KASH5: variants seen among roughly 807,000 people sequenced by gnomAD.
The protein encoded by KASH5 is protein KASH5.
A neutral mutation model predicts 84.2 loss-of-function variants in KASH5; 72 were observed. That is an observed-to-expected ratio of 0.85 (90% CI 0.71 to 1.04). The LOEUF (loss-of-function observed/expected upper bound fraction) is 1.04, where lower values mean the gene tolerates loss of function less well. Ranked by LOEUF, KASH5 falls within the 50% of genes least tolerant of loss-of-function variation. The pLI, the probability that KASH5 is intolerant of heterozygous loss-of-function variation, is 0.00. For missense variants in KASH5, 650 were observed against 701.0 expected (o/e 0.93, Z 0.82); for synonymous variants, 260 against 279.1 (o/e 0.93, Z 0.68).
chr19:49,411,246 A>ATT (rs55762534), intron 15 of KASH5, among the ~76,000 whole-genome samples: 2 of 143,584 alleles, frequency 1.4e-5, no homozygotes, highest in Non-Finnish European at 3.1e-5. Context: ...CTCTCTCTCT[A>ATT]TTTTTTTTTT....
intron 9 of KASH5, among the ~76,000 whole-genome samples, chr19:49,406,450 CA>C (rs1359133051): frequency 6.6e-6 from 1 of 152,180 alleles, no homozygotes; most frequent in Non-Finnish European, 1.5e-5. Flanking sequence ...GATCTTGGCT[CA>C]CTGCAACCTC....
rs565839246 is a variant in KASH5 at position 49,402,639 on chromosome 19, A to G, written c.798+3132A>G. ...GGAGAATCACTTGAACCCAGGAGGC[A>G]GAGGTTGCAGCGAGCTGAGATTGTG... On this transcript the variant is annotated intron_variant, in intron 9 of 19. Transcript: ENST00000447857. 8.7e-4 allele frequency among the ~76,000 whole-genome samples: 133 copies of G among 152,224 alleles called. 1 individual carries two copies. The highest frequency in any genetic ancestry group is 3.0e-3 in the African/African-American group (125 of 41,528).
At chr19:49,391,055 A>C (rs1777798366) in intron 2 of KASH5, 129 bp downstream of exon 2, 2 of 984,678 alleles carry the variant, frequency 2.0e-6, no homozygotes, top group Admixed American at 2.6e-5. Context: ...ATGGGTGCAG[A>C]GTGGAAGGGA....
rs1402833644 is a variant in KASH5 at position 49,395,058 on chromosome 19, A to G, written c.149-48A>G. 1 of 1,483,548 alleles carries G rather than the reference A, an allele frequency of 6.7e-7. No individual in the cohort carries two copies. The highest frequency in any genetic ancestry group is 9.0e-7 in the Non-Finnish European group (1 of 1,105,258). 91.9% of individuals were successfully genotyped at this position (1,483,548 alleles called of 1,614,324 possible). On this transcript the variant is annotated intron_variant, in intron 3 of 19. Coordinates refer to ENST00000447857, the MANE Select transcript of KASH5 (RefSeq NM_144688.5). This position sits in a 1 kb window ranked among gnomAD's most constrained non-coding sequence, Gnocchi z 4.4. ...CCCAAGCTGCTGCCAGTCCATACCC[A>G]TCACTCCCCACCTGCCCCAGACCCC... is the stretch of plus-strand genomic sequence containing the variant.
At chr19:49,413,167 C>T in intron 16 of KASH5, 141 bp downstream of exon 16, 1 of 823,166 alleles carries the variant, frequency 1.2e-6, no homozygotes, top group Non-Finnish European at 1.9e-6. Context: ...AGAACCTGGG[C>T]CTGTAGGCCA....
At position 49,409,026 on chromosome 19, in the gene KASH5, C is replaced by T. The variant is rs760816785; in HGVS notation, c.1053C>T (p.Pro351=). Residue 351 remains proline (P), a synonymous_variant, in exon 13 of 20, where the codon CCC becomes CCT. Transcript: ENST00000447857. ...EEQLSQTYEG[P]DELPEGAQLR... is the part of the protein sequence containing the mutation. Reference sequence around the variant, plus strand: ...AGCTGAGTCAGACCTATGAGGGGCCCGATGAGTGAGTGGAATTTCAAGGGG... The same window carrying T: ...AGCTGAGTCAGACCTATGAGGGGCCTGATGAGTGAGTGGAATTTCAAGGGG... 2.2e-5 allele frequency: 35 copies of T among 1,591,168 alleles called. No individual in the cohort carries two copies. Among genetic ancestry groups the T allele is most frequent in the East Asian group, 6.8e-5 (3 of 43,912 alleles).
rs901046769 is a variant in KASH5, at chr19:49,416,183, C to G, written c.1375-832C>G. On this transcript the variant is annotated intron_variant, in intron 17 of 19. Transcript: ENST00000447857. The surrounding 1 kb of genome is among the most constrained non-coding windows in gnomAD (Gnocchi z 5.4). ...TTTGTAATTATACCATTTATAATGG[C>G]ATGGTGTTTTGTTTTTGGTTTTTGT... is the stretch of plus-strand genomic sequence containing the variant. Among the ~76,000 whole-genome samples the G allele has an allele frequency of 6.6e-6, 1 of 152,172 alleles. No homozygotes were observed. The highest frequency in any genetic ancestry group is 2.1e-4 in the South Asian group (1 of 4,824).
Position 49,409,785 on chromosome 19 carries a change from C to T in KASH5, c.1179C>T (p.Asn393=), listed in dbSNP as rs199790385. The change falls in exon 15 of 20, where the codon AAC becomes AAT. Residue 393 remains asparagine (N), a synonymous_variant. Coordinates refer to ENST00000447857, the MANE Select transcript of KASH5 (RefSeq NM_144688.5). The part of the protein sequence containing the change: ...KQEVATADLS[N]PLCGVWQWEE... ...AAGTGGCAACTGCTGATCTCTCCAA[C>T]CCTCTGTGTGGGGTGTGGCAGTGGG... The T allele has an allele frequency of 4.3e-6, 7 of 1,613,902 alleles. No individual in the cohort carries two copies. The highest frequency in any genetic ancestry group is 2.7e-5 in the African/African-American group (2 of 74,936).
chr19:49,398,070 A>G lies in KASH5; in HGVS notation c.556A>G (p.Ser186Gly). ...TGGGGAGAATGCCAAATTGCAGCGGAGCATGGAGACAGCTGAGGAGGGGTC... is the reference window on the plus strand; with the variant it reads ...TGGGGAGAATGCCAAATTGCAGCGGGGCATGGAGACAGCTGAGGAGGGGTC... ...LVGENAKLQRSMETAEEGSAR... is the reference protein window; with the variant it reads ...LVGENAKLQRGMETAEEGSAR... The change falls in exon 7 of 20, where the codon AGC becomes GGC. Residue 186 changes from serine to glycine, a missense_variant. Physicochemically the swap from Ser to Gly is moderately conservative, Grantham distance 56. Transcript: ENST00000447857. 1 of 1,613,528 alleles carries G rather than the reference A, an allele frequency of 6.2e-7. No homozygotes were observed. Among genetic ancestry groups the G allele is most frequent in the Non-Finnish European group, 8.5e-7 (1 of 1,179,594 alleles).
chr19:49,409,875 G>A lies in KASH5; in HGVS notation c.1269G>A (p.Gln423=), dbSNP rs766226870. The A allele has an allele frequency of 3.7e-6, 6 of 1,613,392 alleles. No homozygotes were observed. In the South Asian group the frequency reaches 5.5e-5, roughly 15 times the overall value. The change falls in exon 15 of 20, where the codon CAG becomes CAA. Residue 423 remains glutamine, a splice_region_variant and synonymous_variant. Coordinates refer to ENST00000447857, the MANE Select transcript of KASH5 (RefSeq NM_144688.5). ...EFPSEAPAGG[Q]RNFQGEPAHP... is the part of the protein sequence containing the mutation. Reference sequence around the variant, plus strand: ...CATCTGAAGCCCCAGCTGGGGGACAGGTGAGCACAGGAAAAGCTCTGAAGT... The same window carrying A: ...CATCTGAAGCCCCAGCTGGGGGACAAGTGAGCACAGGAAAAGCTCTGAAGT...
At chr19:49,403,305 G>A (rs897893725) in intron 9 of KASH5, among the ~76,000 whole-genome samples, 4 of 152,232 alleles carry the variant, frequency 2.6e-5, no homozygotes, top group Admixed American at 6.5e-5. Context: ...CCCAGGAGGC[G>A]GAGCTTGCAG....
In KASH5 at chr19:49,416,741, C is replaced by T. The variant is rs1455703557; in HGVS notation, c.1375-274C>T. Among the ~76,000 whole-genome samples the T allele has an allele frequency of 2.0e-5, 3 of 152,126 alleles. No homozygotes were observed. Among genetic ancestry groups the T allele is most frequent in the Non-Finnish European group, 2.9e-5 (2 of 68,022 alleles). ...TATTGCCCCCGCCTTTTTTTTCCTACATTCACTCATTTAGTCTCCATGTTA... is the reference window on the plus strand; with the variant it reads ...TATTGCCCCCGCCTTTTTTTTCCTATATTCACTCATTTAGTCTCCATGTTA... On this transcript the variant is annotated intron_variant, in intron 17 of 19. Transcript: ENST00000447857. This position sits in a 1 kb window ranked among gnomAD's most constrained non-coding sequence, Gnocchi z 5.4.
chr19:49,395,165 C>T lies in KASH5; in HGVS notation c.208C>T (p.Gln70Ter). The T allele has an allele frequency of 6.2e-7, 1 of 1,613,062 alleles. No individual in the cohort carries two copies. The highest frequency in any genetic ancestry group is 8.5e-7 in the Non-Finnish European group (1 of 1,179,522). The change falls in exon 4 of 20, where the codon CAG (glutamine) becomes TAG (stop). Residue 70 changes from glutamine to a stop codon, truncating the protein, a stop_gained. Coordinates refer to ENST00000447857, the MANE Select transcript of KASH5 (RefSeq NM_144688.5). LOFTEE classifies it high-confidence loss of function. This position sits in a 1 kb window ranked among gnomAD's most constrained non-coding sequence, Gnocchi z 4.4. ...GGAGGCTGTGACAGGCCAGGGCCCC[C>T]AGGATGCACGCCTCCAAACATTGGC... The part of the protein sequence containing the change: ...YLEAVTGQGP[Q>*]DARLQTLANS...
At chr19:49,405,326 G>C (rs369131614) in intron 9 of KASH5, among the ~76,000 whole-genome samples, 4 of 151,734 alleles carry the variant, frequency 2.6e-5, no homozygotes, top group East Asian at 2.0e-4. Flanking sequence ...GTGTGATGGC[G>C]TGTGCCCGTA....
Position 49,409,248 on chromosome 19 carries a change from C to A in KASH5, c.1111C>A (p.Pro371Thr), listed in dbSNP as rs200176970. The A allele has an allele frequency of 1.2e-6, 2 of 1,613,964 alleles. No homozygotes were observed. Among genetic ancestry groups the A allele is most frequent in the East Asian group, 2.2e-5 (1 of 44,882 alleles). Residue 371 changes from proline (P) to threonine (T), a missense_variant, in exon 14 of 20, where the codon CCA (proline) becomes ACA (threonine). Transcript: ENST00000447857. The part of the protein sequence containing the change: ...RRVGWTELLP[P>T]SLGLEIEAIR... ...AGTGGGCTGGACCGAGCTGCTACCC[C>A]CATCGCTGGGCTTGGAGATCGAGGC...
rs959190307 is a variant in KASH5 at position 49,417,545 on chromosome 19, T to C, written c.*35T>C. 1.3e-6 allele frequency: 2 copies of C among 1,490,046 alleles called. No homozygotes were observed. Among genetic ancestry groups the C allele is most frequent in the African/African-American group, 1.4e-5 (1 of 71,654 alleles). The allele number at this position is 1,490,046 out of a possible 1,614,324, so 92.3% of individuals were successfully genotyped here. A position where few individuals can be genotyped will look rare whatever the true frequency, so the allele number is the denominator to read the frequency against. The stretch of plus-strand genomic sequence containing the variant: ...CTTGCCCCTCAGAGCAGTGTCTAGC[T>C]CAATAAATCCCCTGGCCCTCTCTCC... On this transcript the variant is annotated 3_prime_UTR_variant, in exon 20 of 20. Coordinates refer to ENST00000447857, the MANE Select transcript of KASH5 (RefSeq NM_144688.5). This position sits in a 1 kb window ranked among gnomAD's most constrained non-coding sequence, Gnocchi z 5.2.
At chr19:49,407,488 G>T in intron 11 of KASH5, 124 bp from the exon 12 acceptor site, 2 of 1,179,662 alleles carry the variant, frequency 1.7e-6, no homozygotes. Flanking sequence ...GCTCTCCCTT[G>T]TGCCCCAGCT....
chr19:49,400,385 GAC>G (rs1195194670), intron 9 of KASH5, among the ~76,000 whole-genome samples: 2 of 108,448 alleles, frequency 1.8e-5, no homozygotes, highest in Non-Finnish European at 3.6e-5. Context: ...TTTTTTTTGA[GAC>G]AGAGTTTCAT....
At chr19:49,403,851 C>T (rs1460835872) in intron 9 of KASH5, among the ~76,000 whole-genome samples, 2 of 152,184 alleles carry the variant, frequency 1.3e-5, no homozygotes, top group African/African-American at 4.8e-5. Context: ...TTCTTGGTTC[C>T]CTCCCCTCTA....
Sources: allele counts gnomAD v4.1 joint callset (sites outside exome capture counted in the v4.1 genomes callset), GRCh38; gene constraint gnomAD v4.1.1; non-coding constraint Gnocchi (gnomAD v3.1); transcripts MANE v1.5; gene names NCBI Gene and HGNC (gene_info 2026-07-23, HGNC 2026-07-21).